The following SNX4 variants were observed in gnomAD, a reference collection of about 807,000 sequenced individuals.
The protein encoded by SNX4 is sorting nexin 4.
SNX4 carries 49 observed loss-of-function variants against 70.8 expected under a neutral mutation model. The observed-to-expected ratio is 0.69, with a 90% CI of 0.55 to 0.88. The LOEUF is 0.88. SNX4 is among the 40% of genes least tolerant of loss of function. The pLI, the probability that SNX4 is intolerant of heterozygous loss-of-function variation, is 0.00. For synonymous variants in SNX4, 206 were observed against 183.8 expected (o/e 1.12, Z -0.98); for missense variants, 528 against 544.8 (o/e 0.97, Z 0.31).
chr3:125,504,866 AGTT>A (rs1935013274), intron 1 of SNX4, 122 bp from the exon 2 acceptor site: 1 of 1,102,516 alleles, frequency 9.1e-7, no homozygotes. Context: ...AGTTACTTAT[AGTT>A]CTTGAGTTGC....
At chr3:125,452,687 C>T (rs1023372563) in intron 12 of SNX4, among the ~76,000 whole-genome samples, 4 of 152,088 alleles carry the variant, frequency 2.6e-5, no homozygotes, top group African/African-American at 7.2e-5. Flanking sequence ...GCGTGATCTC[C>T]GCTCACTGCA....
intron 11 of SNX4, 42 bp from the exon 12 acceptor site, chr3:125,453,997 G>C (rs762809084): frequency 1.3e-6 from 2 of 1,550,486 alleles, no homozygotes; most frequent in Admixed American, 3.5e-5. Context: ...AACAAAATGC[G>C]GCATACACAT....
At position 125,497,997 on chromosome 3, in the gene SNX4, A is replaced by G. The variant is rs202163882; in HGVS notation, c.400-14T>C. The G allele has an allele frequency of 2.7e-5, 44 of 1,613,952 alleles. No individual in the cohort carries two copies. Among genetic ancestry groups the G allele is most frequent in the Non-Finnish European group, 3.6e-5 (43 of 1,180,018 alleles). ...AACAAATTCTGCCTAGGTAAACAAA[A>G]TAATCATTAAGAATAGTCTCAATGC... On this transcript the variant is annotated splice_polypyrimidine_tract_variant and intron_variant, in intron 3 of 13. Transcript: ENST00000251775.
At chr3:125,456,803 G>A (rs930353086) in intron 11 of SNX4, among the ~76,000 whole-genome samples, 2 of 152,128 alleles carry the variant, frequency 1.3e-5, no homozygotes, top group Admixed American at 6.5e-5. Flanking sequence ...TGGGACTACA[G>A]GCGTGAGGCA....
chr3:125,488,343 G>T (rs945332176), intron 6 of SNX4, among the ~76,000 whole-genome samples: 1 of 151,786 alleles, frequency 6.6e-6, no homozygotes, highest in East Asian at 1.9e-4. Flanking sequence ...GGCGTTGTAG[G>T]GGGTGCCTAT....
intron 1 of SNX4, among the ~76,000 whole-genome samples, chr3:125,515,582 T>G (rs1258614543): frequency 6.6e-6 from 1 of 150,716 alleles, no homozygotes; most frequent in Non-Finnish European, 1.5e-5. Context: ...GGAGGACTGC[T>G]TGAGACCAGT....
chr3:125,495,293 CA>C (rs1934769712), intron 5 of SNX4, among the ~76,000 whole-genome samples: 1 of 69,550 alleles, frequency 1.4e-5, no homozygotes, highest in African/African-American at 4.1e-5. Context: ...TACACACACA[CA>C]CACGTATGTT....
intron 6 of SNX4, among the ~76,000 whole-genome samples, chr3:125,485,324 G>A (rs1934498520): frequency 6.6e-6 from 1 of 151,906 alleles, no homozygotes; most frequent in African/African-American, 2.4e-5. Flanking sequence ...TTTAGACAGA[G>A]TCTCACTCTG....
intron 5 of SNX4, among the ~76,000 whole-genome samples, chr3:125,494,827 T>G (rs1356698045): frequency 6.6e-6 from 1 of 152,188 alleles, no homozygotes; most frequent in Non-Finnish European, 1.5e-5. Context: ...AACTCATCTA[T>G]GATACAGTGA....
chr3:125,504,833 A>G (rs1935012560), intron 1 of SNX4, 89 bp from the exon 2 acceptor site: 2 of 1,418,318 alleles, frequency 1.4e-6, no homozygotes, highest in Admixed American at 2.5e-5. Flanking sequence ...TAAACCCATT[A>G]TTGGGTTTAT....
chr3:125,495,275 T>TATATATATATATATATATACAC, intron 5 of SNX4, among the ~76,000 whole-genome samples: 36 of 83,048 alleles, frequency 4.3e-4, no homozygotes, highest in African/African-American at 1.3e-3. Context: ...TATATATATA[T>TATATATATATATATATATACAC]ATACACATAC....
intron 6 of SNX4, among the ~76,000 whole-genome samples, chr3:125,486,603 G>C (rs982767703): frequency 4.6e-5 from 7 of 152,132 alleles, no homozygotes; most frequent in Admixed American, 3.9e-4. Flanking sequence ...TCCAGCCTGG[G>C]CAACACAGAG....
intron 9 of SNX4, among the ~76,000 whole-genome samples, chr3:125,464,564 CTTTTTTTT>C (rs778518316): frequency 1.5e-4 from 10 of 67,054 alleles, no homozygotes; most frequent in East Asian, 5.1e-4. Context: ...ATTTATCTTT[CTTTTTTTT>C]TTTTTTTTTT....
intron 9 of SNX4, among the ~76,000 whole-genome samples, chr3:125,466,668 T>C (rs1934027886): frequency 6.6e-6 from 1 of 152,182 alleles, no homozygotes; most frequent in Non-Finnish European, 1.5e-5. Context: ...GGCTCACACC[T>C]GTAATCCCAC....
In SNX4 at chr3:125,453,914, G is replaced by A; in HGVS notation, c.1086C>T (p.Leu362=). ...TCTGCTCTGGAGTTTCTTGACCAAA[G>A]AGCTTGGTAGTCATTCCCTTCAAAG... The part of the protein sequence containing the change: ...TFSLKGMTTK[L]FGQETPEQRE... Residue 362 remains leucine (L), a synonymous_variant, in exon 12 of 14, where the codon CTC becomes CTT. Coordinates refer to ENST00000251775, the MANE Select transcript of SNX4 (RefSeq NM_003794.4). 6.2e-7 allele frequency: 1 copy of A among 1,613,894 alleles called. No individual in the cohort carries two copies. The highest frequency in any genetic ancestry group is 2.2e-5 in the East Asian group (1 of 44,858).
chr3:125,474,203 G>T (rs1430095719), intron 8 of SNX4, among the ~76,000 whole-genome samples: 4 of 152,134 alleles, frequency 2.6e-5, no homozygotes, highest in African/African-American at 9.7e-5. Flanking sequence ...TATCATTTAG[G>T]TCTCTTTATT....
At chr3:125,513,906 T>C (rs1935220300) in intron 1 of SNX4, among the ~76,000 whole-genome samples, 1 of 152,140 alleles carries the variant, frequency 6.6e-6, no homozygotes, top group Non-Finnish European at 1.5e-5. Context: ...AATTTATTGC[T>C]CACAGTCCCG....
At chr3:125,496,860 C>T (rs1934803490) in intron 5 of SNX4, among the ~76,000 whole-genome samples, 1 of 151,888 alleles carries the variant, frequency 6.6e-6, no homozygotes. Flanking sequence ...TCAAACTGAC[C>T]ACCATGTCTC....
At chr3:125,457,396 C>T (rs756180244) in intron 10 of SNX4, 31 bp from the exon 11 acceptor site, 1 of 1,538,562 alleles carries the variant, frequency 6.5e-7, no homozygotes. Context: ...TGCCATTTAA[C>T]TTTTCCTTTA....
Sources: allele counts gnomAD v4.1 joint callset (sites outside exome capture counted in the v4.1 genomes callset), GRCh38; gene constraint gnomAD v4.1.1; transcripts MANE v1.5; gene names NCBI Gene and HGNC (gene_info 2026-07-23, HGNC 2026-07-21).